The following RYR2 variants were observed in gnomAD, a reference collection of about 807,000 sequenced individuals.
The protein encoded by RYR2 is cardiac muscle ryanodine receptor-calcium release channel.
RYR2 carries 227 observed loss-of-function variants against 601.1 expected under a neutral mutation model. The observed-to-expected ratio is 0.38, with a 90% CI of 0.34 to 0.42. RYR2 has a LOEUF of 0.42. Among genes scored for constraint, RYR2 ranks in the 10% least tolerant of loss-of-function variants. The probability of loss-of-function intolerance (pLI) is 1.00; values close to 1 mark genes in which losing one functional copy is unlikely to be tolerated. For missense variants in RYR2, 4,646 were observed against 6,156.5 expected, an observed-to-expected ratio of 0.75 and a Z score of 8.21; for synonymous variants, 2,223 against 2,175.1, an observed-to-expected ratio of 1.02 and a Z score of -0.61.
intron 1 of RYR2, among the ~76,000 whole-genome samples, chr1:237,100,159 G>A (rs900851555): frequency 9.8e-5 from 15 of 152,298 alleles, no homozygotes; most frequent in South Asian, 6.2e-4. Flanking sequence ...TAAAGAATAA[G>A]TGGGGGAAGT....
chr1:237,687,527 A>C (rs759245725), intron 63 of RYR2, 23 bp downstream of exon 63: 525 of 1,585,448 alleles, frequency 3.3e-4, no homozygotes, highest in Non-Finnish European at 4.3e-4. Context: ...TTGAAAAAAT[A>C]CAAGCATGGC....
At chr1:237,437,398 G>C (rs761000942) in intron 12 of RYR2, among the ~76,000 whole-genome samples, 4 of 152,104 alleles carry the variant, frequency 2.6e-5, no homozygotes, top group African/African-American at 4.8e-5. Context: ...GATGTTCCAA[G>C]CACTTACGAA....
chr1:237,205,438 CAT>C (rs1389678026), intron 1 of RYR2, among the ~76,000 whole-genome samples: 1 of 152,186 alleles, frequency 6.6e-6, no homozygotes, highest in South Asian at 2.1e-4. Flanking sequence ...TGCTTGCAAA[CAT>C]ATGGATGCCA....
chr1:237,707,872 A>G (rs1688509457), intron 68 of RYR2, among the ~76,000 whole-genome samples: 1 of 151,998 alleles, frequency 6.6e-6, no homozygotes, highest in South Asian at 2.1e-4. Context: ...CCCGGGTTCA[A>G]GTGATTCTCC....
intron 10 of RYR2, among the ~76,000 whole-genome samples, chr1:237,395,570 A>G (rs1439145832): frequency 2.2e-5 from 2 of 91,118 alleles, no homozygotes; most frequent in African/African-American, 4.5e-5. Context: ...TTTTTGAGAC[A>G]GAGTCTCGCT....
intron 2 of RYR2, among the ~76,000 whole-genome samples, chr1:237,279,778 A>G (rs1286674413): frequency 6.6e-6 from 1 of 152,146 alleles, no homozygotes; most frequent in Non-Finnish European, 1.5e-5. Flanking sequence ...AAACAGTAAA[A>G]GCCATTCTTA....
intron 44 of RYR2, among the ~76,000 whole-genome samples, chr1:237,635,416 AAAAAGG>A (rs748596406): frequency 1.3e-5 from 2 of 152,120 alleles, no homozygotes; most frequent in Non-Finnish European, 1.5e-5. Flanking sequence ...TTCAGTTTTT[AAAAAGG>A]TTATTTTGAC....
At chr1:237,807,976 T>C (rs1660828205) in intron 99 of RYR2, among the ~76,000 whole-genome samples, 2 of 152,182 alleles carry the variant, frequency 1.3e-5, no homozygotes, top group South Asian at 2.1e-4. Flanking sequence ...CATATACATA[T>C]TCTATCAAAA....
At chr1:237,346,590 T>C (rs896919205) in intron 3 of RYR2, among the ~76,000 whole-genome samples, 5 of 152,034 alleles carry the variant, frequency 3.3e-5, no homozygotes, top group African/African-American at 9.7e-5. Context: ...TGTTAGTGTA[T>C]GAGATTGCTG....
At chr1:237,096,786 G>T (rs898185319) in intron 1 of RYR2, among the ~76,000 whole-genome samples, 1 of 152,328 alleles carries the variant, frequency 6.6e-6, no homozygotes, top group South Asian at 2.1e-4. Context: ...GGCATGTTCG[G>T]AACCTGTTTT....
At position 237,687,446 on chromosome 1, in the gene RYR2, T is replaced by G. The variant is rs1167504767; in HGVS notation, c.9018-9T>G. 6.3e-7 allele frequency: 1 copy of G among 1,575,596 alleles called. No individual in the cohort carries two copies. Among genetic ancestry groups the G allele is most frequent in the African/African-American group, 1.3e-5 (1 of 74,150 alleles). On this transcript the variant is annotated splice_polypyrimidine_tract_variant and intron_variant, in intron 62 of 104. Transcript: ENST00000366574. ...TCCCTTTTCTCTTTTGTTTTTCTTT[T>G]GTCTTCAGCCTATTCTGCAAACTTG...
rs1333461185 is a variant in RYR2 at position 237,731,898 on chromosome 1, A to ACACACACACG, written c.10936-139_10936-138insGCACACACAC. ...TGTATAATGCATATAAAATACACAC[A>ACACACACACG]CACACACACACACACACACACCCCA... On this transcript the variant is annotated intron_variant, in intron 77 of 104. Coordinates refer to ENST00000366574, the MANE Select transcript of RYR2 (RefSeq NM_001035.3). The ACACACACACG allele has an allele frequency of 4.8e-5, 27 of 563,708 alleles. No individual in the cohort carries two copies. In the Admixed American group the frequency reaches 4.9e-4, roughly 10 times the overall value. 34.9% of individuals were successfully genotyped at this position (563,708 alleles called of 1,614,324 possible). A position where few individuals can be genotyped will look rare whatever the true frequency, so the allele number is the denominator to read the frequency against.
At chr1:237,613,432 A>C (rs1678108023) in intron 36 of RYR2, among the ~76,000 whole-genome samples, 1 of 152,170 alleles carries the variant, frequency 6.6e-6, no homozygotes, top group Non-Finnish European at 1.5e-5. Flanking sequence ...CATATGAAAG[A>C]AATTTCTCCA....
intron 96 of RYR2, among the ~76,000 whole-genome samples, chr1:237,795,873 T>TATATATATATATATAC (rs140571706): frequency 2.1e-5 from 3 of 140,908 alleles, no homozygotes; most frequent in Non-Finnish European, 3.0e-5. Flanking sequence ...TATATATATA[T>TATATATATATATATAC]ACACATATAT....
chr1:237,129,091 A>G (rs2148691848), intron 1 of RYR2, among the ~76,000 whole-genome samples: 1 of 152,306 alleles, frequency 6.6e-6, no homozygotes, highest in Non-Finnish European at 1.5e-5. Flanking sequence ...GTAGTTGGAC[A>G]TCTGACTACT....
At position 237,064,314 on chromosome 1, in the gene RYR2, T is replaced by G. The variant is rs143321903; in HGVS notation, c.48+21745T>G. On this transcript the variant is annotated intron_variant, in intron 1 of 104. Transcript: ENST00000366574. ...TCTTAAATTTTGAGCTGTTTTATTT[T>G]TTAGTAATTGGTTTTACATTTGGTT... is the stretch of plus-strand genomic sequence containing the variant. 5.9e-3 allele frequency among the ~76,000 whole-genome samples: 899 copies of G among 152,322 alleles called. 4 individuals are homozygous for G. Among genetic ancestry groups the G allele is most frequent in the African/African-American group, 0.02 (818 of 41,572 alleles).
chr1:237,593,422 G>A (rs905291020), intron 32 of RYR2, 54 bp from the exon 33 acceptor site: 5 of 1,531,126 alleles, frequency 3.3e-6, no homozygotes, highest in Admixed American at 2.0e-5. Context: ...GCAAATCCAA[G>A]TTTTGTTTTG....
chr1:237,590,206 C>CTTTTT (rs11307093), intron 30 of RYR2, among the ~76,000 whole-genome samples: 1 of 147,608 alleles, frequency 6.8e-6, no homozygotes, highest in Non-Finnish European at 1.5e-5. Flanking sequence ...GCTTTCAATT[C>CTTTTT]TTTTTTTTTT....
At position 237,761,113 on chromosome 1, in the gene RYR2, A is replaced by G. The variant is rs143451004; in HGVS notation, c.11476+85A>G. The stretch of plus-strand genomic sequence containing the variant: ...ATTATCAATTACCTTTCAAGTAGAG[A>G]GATAAGAAGTTATTTTAAAGTTGAT... On this transcript the variant is annotated intron_variant, in intron 84 of 104. Coordinates refer to ENST00000366574, the MANE Select transcript of RYR2 (RefSeq NM_001035.3). The G allele has an allele frequency of 5.7e-4, 450 of 782,742 alleles. 1 individual carries two copies. The highest frequency in any genetic ancestry group is 5.3e-3 in the African/African-American group (301 of 56,696). The allele number at this position is 782,742 out of a possible 1,614,324, so 48.5% of individuals were successfully genotyped here. A position where few individuals can be genotyped will look rare whatever the true frequency, so the allele number is the denominator to read the frequency against.
Sources: allele counts gnomAD v4.1 joint callset (sites outside exome capture counted in the v4.1 genomes callset), GRCh38; gene constraint gnomAD v4.1.1; transcripts MANE v1.5; gene names NCBI Gene and HGNC (gene_info 2026-07-23, HGNC 2026-07-21).